Variants in TENM1 observed in about 807,000 individuals in gnomAD.
TENM1 encodes teneurin-1.
A neutral mutation model predicts 174.8 loss-of-function variants in TENM1; 35 were observed. The observed-to-expected ratio is 0.20, with a 90% confidence interval of 0.15 to 0.27. The LOEUF is 0.27. Among genes scored for constraint, TENM1 ranks in the 10% least tolerant of loss-of-function variants. The pLI is 1.00. For synonymous variants in TENM1, 781 were observed against 798.7 expected, an observed-to-expected ratio of 0.98 and a Z score of 0.37; for missense variants, 1,633 against 2,130.1, an observed-to-expected ratio of 0.77 and a Z score of 4.59.
rs780132917 is a variant in TENM1, at chrX:124,586,892, T to C, written c.2078-21332A>G. On this transcript the variant is annotated intron_variant, in intron 11 of 31. Coordinates refer to ENST00000422452, the Ensembl canonical transcript of TENM1. Reference sequence around the variant, plus strand: ...AATCACAAGCATTCTTATACACCAATAACAGACAAACAGAGAGCCAAATCA... The same window carrying C: ...AATCACAAGCATTCTTATACACCAACAACAGACAAACAGAGAGCCAAATCA... Among the ~76,000 whole-genome samples the C allele has an allele frequency of 1.1e-4, 12 of 108,853 alleles. No homozygotes were observed. In the East Asian group the frequency reaches 3.2e-3, roughly 29 times the overall value. The allele number at this position is 108,853 out of a possible 115,157, so 94.5% of individuals were successfully genotyped here.
intron 22 of TENM1, among the ~76,000 whole-genome samples, chrX:124,472,383 GT>G (rs374842150): frequency 0.013 from 988 of 78,221 alleles, 6 homozygotes; most frequent in African/African-American, 0.015. Flanking sequence ...GTACTCCTGG[GT>G]TTTTTTTTTT....
At chrX:124,701,935 T>C (rs1474360987) in intron 5 of TENM1, among the ~76,000 whole-genome samples, 5 of 111,580 alleles carry the variant, frequency 4.5e-5, no homozygotes, top group Admixed American at 1.9e-4. Flanking sequence ...CCCTAGTGGA[T>C]TGAGGGCAGC....
chrX:124,785,322 G>A (rs993598551), intron 3 of TENM1, among the ~76,000 whole-genome samples: 1 of 111,603 alleles, frequency 9.0e-6, no homozygotes, highest in African/African-American at 3.2e-5. Flanking sequence ...GAGAATCATA[G>A]AAAGAATTTA....
chrX:125,173,791 T>C, the TENM1 span, among the ~76,000 whole-genome samples: 1 of 111,706 alleles, frequency 9.0e-6, no homozygotes, highest in Non-Finnish European at 1.9e-5. Context: ...AAAGTGCTCA[T>C]TGTTGCTGGA....
rs199579967 is a variant in TENM1 at position 124,901,308 on chromosome X, AT to A, written c.218-5068del. Among the ~76,000 whole-genome samples the A allele has an allele frequency of 3.9e-3, 430 of 110,116 alleles. 1 individual carries two copies. Among genetic ancestry groups the A allele is most frequent in the African/African-American group, 0.011 (346 of 30,157 alleles). On this transcript the variant is annotated intron_variant, in intron 1 of 31. Transcript: ENST00000422452. ...ATCTACTAATGCTAACAAATTAATAATTTTTTTTTAAATGCTATGAAGCACT... is the reference window on the plus strand; with the variant it reads ...ATCTACTAATGCTAACAAATTAATAATTTTTTTTAAATGCTATGAAGCACT...
chrX:125,042,487 C>T, the TENM1 span, among the ~76,000 whole-genome samples: 2 of 111,257 alleles, frequency 1.8e-5, no homozygotes, highest in South Asian at 7.5e-4. Flanking sequence ...CTGAGCAACA[C>T]CAAAACTTAT....
intron 6 of TENM1, among the ~76,000 whole-genome samples, chrX:124,663,271 G>A (rs1161981721): frequency 1.8e-5 from 2 of 111,580 alleles, no homozygotes; most frequent in South Asian, 3.8e-4. Context: ...GTAAACGCAA[G>A]GACTCTTAAT....
Position 124,431,100 on chromosome X carries a change from T to C in TENM1, c.4105-8462A>G, listed in dbSNP as rs765748668. 7.1e-5 allele frequency among the ~76,000 whole-genome samples: 8 copies of C among 112,226 alleles called. No homozygotes were observed. The South Asian group carries it at 1.9e-3, about 26-fold the overall frequency. ...TATGTACAAGGGGTTGTTAGTGGCA[T>C]AGAGCAGTAGACTATTTCTGTTCCA... On this transcript the variant is annotated intron_variant, in intron 23 of 31. Coordinates refer to ENST00000422452, the Ensembl canonical transcript of TENM1.
At chrX:124,993,089 G>A in the TENM1 span, among the ~76,000 whole-genome samples, 9 of 110,514 alleles carry the variant, frequency 8.1e-5, no homozygotes, top group Non-Finnish European at 1.5e-4. Flanking sequence ...AACCATCTCC[G>A]GTTAGAGTGT....
Position 124,497,349 on chromosome X carries a change from T to C in TENM1, c.3446-84A>G. On this transcript the variant is annotated intron_variant, in intron 19 of 31. Coordinates refer to ENST00000422452, the Ensembl canonical transcript of TENM1. ...CAGCAATATTTTAATTTATTCTTCA[T>C]CATCCCAAGCAGGAAGGAGCTTTGG... is the stretch of plus-strand genomic sequence containing the variant. 3.0e-6 allele frequency: 3 copies of C among 1,010,203 alleles called. No homozygotes were observed. The Admixed American group carries it at 8.8e-5, about 30-fold the overall frequency. The allele number at this position is 1,010,203 out of a possible 1,213,427, so 83.3% of individuals were successfully genotyped here. A position where few individuals can be genotyped will look rare whatever the true frequency, so the allele number is the denominator to read the frequency against.
chrX:124,813,101 A>G (rs1010241950), intron 3 of TENM1, among the ~76,000 whole-genome samples: 2 of 111,688 alleles, frequency 1.8e-5, no homozygotes, highest in African/African-American at 3.2e-5. Flanking sequence ...TAGTATCTAC[A>G]AATCAATAAT....
At chrX:125,111,941 A>C in the TENM1 span, among the ~76,000 whole-genome samples, 1 of 111,785 alleles carries the variant, frequency 8.9e-6, no homozygotes, top group Non-Finnish European at 1.9e-5. Flanking sequence ...GTCCCAGTTT[A>C]GGCATCACCT....
chrX:124,468,526 C>T (rs2061265827), intron 22 of TENM1, among the ~76,000 whole-genome samples: 2 of 112,406 alleles, frequency 1.8e-5, no homozygotes, highest in Admixed American at 9.4e-5. Context: ...ATAGCCAATC[C>T]CATCTCCTTA....
intron 18 of TENM1, among the ~76,000 whole-genome samples, chrX:124,506,942 T>C (rs1017014829): frequency 9.0e-6 from 1 of 111,601 alleles, no homozygotes; most frequent in Non-Finnish European, 1.9e-5. Context: ...GACACCATGC[T>C]CTGCCTGACA....
At chrX:125,055,546 C>T in the TENM1 span, among the ~76,000 whole-genome samples, 1,273 of 111,387 alleles carry the variant, frequency 0.011, 13 homozygotes, top group African/African-American at 0.038. Context: ...GGTTGGCACA[C>T]GGTAGGTATT....
intron 20 of TENM1, among the ~76,000 whole-genome samples, chrX:124,494,333 C>T (rs1215535405): frequency 9.0e-6 from 1 of 110,792 alleles, no homozygotes; most frequent in Non-Finnish European, 1.9e-5. Context: ...AGGATAGCAT[C>T]TAGATCTTCT....
At position 124,812,494 on chromosome X, in the gene TENM1, TA is replaced by T. The variant is rs751798962; in HGVS notation, c.536-75298del. Among the ~76,000 whole-genome samples the T allele has an allele frequency of 9.0e-5, 10 of 111,547 alleles. No individual in the cohort carries two copies. The East Asian group carries it at 2.2e-3, about 25-fold the overall frequency. ...CTAGCAAATGTCATGAATTTGTCAG[TA>T]TGATTAGTGATAGTATCATTATCAC... On this transcript the variant is annotated intron_variant, in intron 3 of 31. Transcript: ENST00000422452.
the TENM1 span, among the ~76,000 whole-genome samples, chrX:125,108,631 A>G: frequency 2.7e-5 from 3 of 109,272 alleles, no homozygotes; most frequent in African/African-American, 1.0e-4. Flanking sequence ...CAGGAGGCAG[A>G]GGTTGCAGTG....
At chrX:124,650,165 G>T (rs1333173336) in intron 8 of TENM1, among the ~76,000 whole-genome samples, 1 of 87,763 alleles carries the variant, frequency 1.1e-5, no homozygotes, top group Non-Finnish European at 2.1e-5. Flanking sequence ...TCGTGCCATT[G>T]CACTCCAGCC....
Sources: allele counts gnomAD v4.1 joint callset (sites outside exome capture counted in the v4.1 genomes callset), GRCh38; gene constraint gnomAD v4.1.1; transcripts MANE v1.5; gene names NCBI Gene and HGNC (gene_info 2026-07-23, HGNC 2026-07-21).